PCDH15: variants seen among roughly 807,000 people sequenced by gnomAD.
PCDH15 encodes the protein protocadherin related 15, also known as protocadherin-15.
Under a neutral mutation model 178.5 loss-of-function variants are expected in PCDH15, and 129 were observed. The observed-to-expected ratio is 0.72, with a 90% CI of 0.63 to 0.84. The LOEUF is 0.84. Among genes scored for constraint, PCDH15 ranks in the 40% least tolerant of loss-of-function variants. The pLI, the probability that PCDH15 is intolerant of heterozygous loss-of-function variation, is 0.00. For missense variants in PCDH15, 2,230 were observed against 2,099.9 expected (o/e 1.06, Z -1.21); for synonymous variants, 800 against 732.0 (o/e 1.09, Z -1.50).
At position 54,421,851 on chromosome 10, in the gene PCDH15, ATATATATATATACACACAC is replaced by A. The variant is rs1402900364; in HGVS notation, c.158-42928_158-42910del. On this transcript the variant is annotated intron_variant, in intron 3 of 37. Coordinates refer to ENST00000644397, the MANE Select transcript of PCDH15 (RefSeq NM_001384140.1). Reference sequence around the variant, plus strand: ...ATATATATATATACACACACACTATATATATATATATACACACACTATATATATATATACACACACACAC... The same window carrying A: ...ATATATATATATACACACACACTATATATATATATATATACACACACACAC... Among the ~76,000 whole-genome samples, 420 of 84,464 alleles carry A rather than the reference ATATATATATATACACACAC, an allele frequency of 5.0e-3. 13 individuals carry two copies. The highest frequency in any genetic ancestry group is 0.018 in the African/African-American group (392 of 21,438). The allele number at this position is 84,464 out of a possible 152,430, so 55.4% of individuals were successfully genotyped here.
intron 2 of PCDH15, among the ~76,000 whole-genome samples, chr10:55,024,458 C>T (rs11004682): frequency 0.5 from 72,193 of 143,800 alleles, 18,519 homozygotes; most frequent in East Asian, 0.74. Context: ...TATATATACA[C>T]ACACATATAT....
At chr10:54,785,811 T>C (rs921867139) in intron 1 of PCDH15, among the ~76,000 whole-genome samples, 3 of 151,972 alleles carry the variant, frequency 2.0e-5, no homozygotes, top group Non-Finnish European at 4.4e-5. Flanking sequence ...AAAGGCATCC[T>C]ATGCTTGACT....
At chr10:54,320,587 T>A (rs12267049) in intron 7 of PCDH15, among the ~76,000 whole-genome samples, 7,297 of 79,640 alleles carry the variant, frequency 0.092, 534 homozygotes, top group African/African-American at 0.2. Context: ...TTTTAAATTT[T>A]AAAAAAAAAT....
intron 2 of PCDH15, among the ~76,000 whole-genome samples, chr10:55,162,472 G>C (rs371316935): frequency 2.0e-5 from 3 of 152,126 alleles, no homozygotes; most frequent in African/African-American, 7.2e-5. Flanking sequence ...TGGTAACAGG[G>C]AGAAAATTAT....
chr10:54,729,293 A>G (rs1300516983), intron 1 of PCDH15, among the ~76,000 whole-genome samples: 3 of 151,764 alleles, frequency 2.0e-5, no homozygotes, highest in Non-Finnish European at 3.0e-5. Flanking sequence ...AATCTGGGAC[A>G]AAGTCAACTA....
intron 2 of PCDH15, among the ~76,000 whole-genome samples, chr10:54,549,452 A>T (rs1414226406): frequency 6.6e-6 from 1 of 151,870 alleles, no homozygotes; most frequent in Admixed American, 6.6e-5. Context: ...ATAAATACAA[A>T]TGTATTTATT....
intron 2 of PCDH15, among the ~76,000 whole-genome samples, chr10:55,583,794 C>A (rs764284660): frequency 1.3e-5 from 2 of 152,100 alleles, no homozygotes; most frequent in Non-Finnish European, 2.9e-5. Context: ...GCAATCTTTT[C>A]ACCACTTTTA....
In PCDH15 at chr10:53,903,790, A is replaced by G. The variant is rs1256367977; in HGVS notation, c.3374-420T>C. On this transcript the variant is annotated intron_variant, in intron 25 of 37. Transcript: ENST00000644397. ...TTATATGAATATATATTTATTCTTA[A>G]GTATAAAATCAGCAATGGCATTTCT... is the stretch of plus-strand genomic sequence containing the variant. Among the ~76,000 whole-genome samples, 3 of 152,206 alleles carry G rather than the reference A, an allele frequency of 2.0e-5. No individual in the cohort carries two copies. The East Asian group carries it at 5.8e-4, about 29-fold the overall frequency.
intron 2 of PCDH15, among the ~76,000 whole-genome samples, chr10:55,329,607 G>A (rs1844139200): frequency 6.6e-6 from 1 of 151,758 alleles, no homozygotes; most frequent in Non-Finnish European, 1.5e-5. Context: ...TGCTAAAATA[G>A]ACTCAGGTTA....
intron 2 of PCDH15, 110 bp downstream of exon 2, chr10:54,664,062 A>G (rs1243530554): frequency 1.2e-6 from 1 of 850,070 alleles, no homozygotes; most frequent in Non-Finnish European, 1.9e-6. Context: ...AGAGATACTA[A>G]CCTTTCAATC....
At chr10:54,389,723 G>T (rs940239085) in intron 3 of PCDH15, among the ~76,000 whole-genome samples, 28 of 149,438 alleles carry the variant, frequency 1.9e-4, no homozygotes, top group African/African-American at 6.9e-4. Flanking sequence ...TGGATCACTT[G>T]AAGTCAGGAG....
intron 2 of PCDH15, among the ~76,000 whole-genome samples, chr10:55,408,385 C>T (rs1456644601): frequency 1.3e-5 from 2 of 151,940 alleles, no homozygotes; most frequent in African/African-American, 2.4e-5. Context: ...GGGGATTCAC[C>T]ATATTGTCCA....
intron 3 of PCDH15, among the ~76,000 whole-genome samples, chr10:54,455,411 C>G (rs148928933): frequency 6.6e-6 from 1 of 152,178 alleles, no homozygotes; most frequent in African/African-American, 2.4e-5. Context: ...CGGTTTTGAC[C>G]AAAATGCTTA....
chr10:54,401,355 T>C (rs1314096804), intron 3 of PCDH15, among the ~76,000 whole-genome samples: 1 of 151,830 alleles, frequency 6.6e-6, no homozygotes, highest in African/African-American at 2.4e-5. Flanking sequence ...TATGCTGTTG[T>C]AGATTCAAAA....
chr10:53,913,706 T>C (rs1453799899), intron 25 of PCDH15, among the ~76,000 whole-genome samples: 2 of 150,670 alleles, frequency 1.3e-5, no homozygotes, highest in African/African-American at 4.9e-5. Context: ...ATGGCGCCAC[T>C]GCACTCCAGC....
chr10:55,030,030 T>C (rs1325252073), intron 2 of PCDH15, among the ~76,000 whole-genome samples: 1 of 152,142 alleles, frequency 6.6e-6, no homozygotes, highest in African/African-American at 2.4e-5. Context: ...AATTATTCTT[T>C]AAGAAATTGA....
intron 2 of PCDH15, among the ~76,000 whole-genome samples, chr10:55,070,362 G>A (rs1265121468): frequency 2.0e-5 from 3 of 151,586 alleles, no homozygotes; most frequent in East Asian, 3.9e-4. Flanking sequence ...CCATGCCTAT[G>A]TCCTGAATGG....
chr10:55,553,361 A>G (rs1189584061), intron 2 of PCDH15, among the ~76,000 whole-genome samples: 1 of 151,864 alleles, frequency 6.6e-6, no homozygotes, highest in Non-Finnish European at 1.5e-5. Flanking sequence ...CATTAAACAT[A>G]AACTTTCTAT....
chr10:54,164,323 A>G (rs983477572), intron 13 of PCDH15, among the ~76,000 whole-genome samples: 1 of 152,208 alleles, frequency 6.6e-6, no homozygotes, highest in Non-Finnish European at 1.5e-5. Flanking sequence ...ATCGTGTGAT[A>G]AGGGATTTTT....
Sources: gnomAD v4.1 joint callset for allele counts (sites outside exome capture counted in the v4.1 genomes callset) on GRCh38, gnomAD v4.1.1 for gene constraint, MANE v1.5 for transcripts, NCBI Gene and HGNC (gene_info 2026-07-23, HGNC 2026-07-21) for gene names.